Variants in FNBP1L observed in about 807,000 individuals in gnomAD.
FNBP1L encodes formin binding protein 1 like, also known as formin-binding protein 1-like.
FNBP1L carries 36 observed loss-of-function variants against 91.2 expected under a neutral mutation model. The ratio of observed to expected loss-of-function variants is 0.39; its 90% CI spans 0.30 to 0.52. The LOEUF (loss-of-function observed/expected upper bound fraction) is 0.52, where lower values mean the gene tolerates loss of function less well. Among genes scored for constraint, FNBP1L ranks in the 20% least tolerant of loss-of-function variants. The probability of loss-of-function intolerance (pLI) is 0.66; values close to 1 mark genes in which losing one functional copy is unlikely to be tolerated. For synonymous variants in FNBP1L, 242 were observed against 237.0 expected (o/e 1.02, Z -0.19); for missense variants, 571 against 732.1 (o/e 0.78, Z 2.54).
intron 1 of FNBP1L, among the ~76,000 whole-genome samples, chr1:93,467,166 G>A (rs192442418): frequency 1.3e-5 from 2 of 152,280 alleles, no homozygotes; most frequent in African/African-American, 4.8e-5. Context: ...CAAAAGTAGG[G>A]TCTTAAAGAG....
At chr1:93,480,490 A>G (rs2101707164) in intron 1 of FNBP1L, among the ~76,000 whole-genome samples, 1 of 152,248 alleles carries the variant, frequency 6.6e-6, no homozygotes, top group Middle Eastern at 3.4e-3. Context: ...TTCTCTAGAC[A>G]TTGATGCATT....
At chr1:93,471,019 C>G (rs1430329112) in intron 1 of FNBP1L, among the ~76,000 whole-genome samples, 1 of 151,934 alleles carries the variant, frequency 6.6e-6, no homozygotes, top group African/African-American at 2.4e-5. Context: ...AGAATAATTG[C>G]AATATTATTC....
chr1:93,550,878 C>T (rs1180401470), intron 15 of FNBP1L, 69 bp from the exon 16 acceptor site: 25 of 1,345,320 alleles, frequency 1.9e-5, no homozygotes, highest in Non-Finnish European at 2.5e-5. Context: ...GTATTTTGTG[C>T]ATTGTATTAG....
chr1:93,482,624 G>A (rs1419969153), intron 1 of FNBP1L, among the ~76,000 whole-genome samples: 1 of 152,128 alleles, frequency 6.6e-6, no homozygotes, highest in Non-Finnish European at 1.5e-5. Context: ...CAGACACAGT[G>A]GCTCACACCT....
At chr1:93,497,898 G>A (rs1360001646) in intron 1 of FNBP1L, among the ~76,000 whole-genome samples, 2 of 152,020 alleles carry the variant, frequency 1.3e-5, no homozygotes, top group African/African-American at 4.8e-5. Context: ...GGGATTACAA[G>A]TGTGAGCCAC....
intron 2 of FNBP1L, among the ~76,000 whole-genome samples, chr1:93,514,141 A>C (rs1670976540): frequency 6.6e-6 from 1 of 152,182 alleles, no homozygotes; most frequent in Non-Finnish European, 1.5e-5. Flanking sequence ...CAGAGAGCCA[A>C]ATCATGAGTG....
intron 10 of FNBP1L, among the ~76,000 whole-genome samples, chr1:93,539,913 A>G (rs1230059136): frequency 6.6e-6 from 1 of 152,166 alleles, no homozygotes; most frequent in Non-Finnish European, 1.5e-5. Flanking sequence ...CATATTTTTA[A>G]TGTGAATTTT....
At chr1:93,496,967 G>A (rs900241632) in intron 1 of FNBP1L, among the ~76,000 whole-genome samples, 1 of 152,124 alleles carries the variant, frequency 6.6e-6, no homozygotes, top group Non-Finnish European at 1.5e-5. Flanking sequence ...AGTGGGGTTT[G>A]AACTTTTTTT....
chr1:93,540,531 C>T (rs1285445138), intron 10 of FNBP1L, among the ~76,000 whole-genome samples: 1 of 152,098 alleles, frequency 6.6e-6, no homozygotes, highest in African/African-American at 2.4e-5. Context: ...ATGTTACCCT[C>T]ATCTAACCAT....
At chr1:93,525,157 C>T (rs188298859) in intron 5 of FNBP1L, among the ~76,000 whole-genome samples, 20 of 151,524 alleles carry the variant, frequency 1.3e-4, no homozygotes, top group Non-Finnish European at 2.4e-4. Flanking sequence ...TTACTCTTTA[C>T]TAGCATATTT....
chr1:93,500,679 T>A (rs1050916462), intron 2 of FNBP1L, among the ~76,000 whole-genome samples: 1 of 150,616 alleles, frequency 6.6e-6, no homozygotes, highest in Non-Finnish European at 1.5e-5. Context: ...AAAATTAATT[T>A]AAACTAGTGG....
chr1:93,516,031 TAAATC>T (rs1314752971), intron 2 of FNBP1L, among the ~76,000 whole-genome samples: 1 of 152,196 alleles, frequency 6.6e-6, no homozygotes, highest in African/African-American at 2.4e-5. Context: ...CAGTTATTGT[TAAATC>T]AGAAACTCAG....
intron 1 of FNBP1L, among the ~76,000 whole-genome samples, chr1:93,474,199 C>T (rs1252228095): frequency 2.0e-5 from 3 of 152,092 alleles, no homozygotes; most frequent in South Asian, 2.1e-4. Context: ...GCTGAGATCA[C>T]GCCACTGCAC....
intron 5 of FNBP1L, among the ~76,000 whole-genome samples, chr1:93,528,214 G>A (rs1671551792): frequency 1.3e-5 from 2 of 152,118 alleles, no homozygotes; most frequent in South Asian, 4.1e-4. Flanking sequence ...ATTTCCAGAT[G>A]GAAAGGATAT....
intron 1 of FNBP1L, among the ~76,000 whole-genome samples, chr1:93,471,802 C>T (rs1019631632): frequency 2.0e-5 from 3 of 152,124 alleles, no homozygotes; most frequent in Admixed American, 6.5e-5. Flanking sequence ...GGCTGGTAGT[C>T]GATAAGTTAG....
At chr1:93,459,453 G>A (rs188565268) in intron 1 of FNBP1L, among the ~76,000 whole-genome samples, 1 of 152,230 alleles carries the variant, frequency 6.6e-6, no homozygotes, top group East Asian at 1.9e-4. Flanking sequence ...ACATGTAATT[G>A]GCCAACATGT....
At chr1:93,465,406 A>T (rs1264063731) in intron 1 of FNBP1L, among the ~76,000 whole-genome samples, 1 of 147,918 alleles carries the variant, frequency 6.8e-6, no homozygotes, top group Non-Finnish European at 1.5e-5. Flanking sequence ...CCTTGTGTCC[A>T]AGTGATCTCA....
intron 8 of FNBP1L, among the ~76,000 whole-genome samples, chr1:93,534,100 A>G (rs1223980574): frequency 6.6e-6 from 1 of 152,180 alleles, no homozygotes; most frequent in Non-Finnish European, 1.5e-5. Context: ...AAAATTTTAA[A>G]TACATGGTAT....
rs1302403510 is a variant in FNBP1L at position 93,549,337 on chromosome 1, A to G, written c.1562A>G (p.His521Arg). 4 of 1,613,052 alleles carry G rather than the reference A, an allele frequency of 2.5e-6. No individual in the cohort carries two copies. Among genetic ancestry groups the G allele is most frequent in the Admixed American group, 1.7e-5 (1 of 59,856 alleles). ...NQEVRGPPQQ[H>R]GHHNEFDDEF... ...GAAGTCCGTGGGCCACCCCAGCAGC[A>G]TGGTCACCACAATGAGTTTGATGAT... The change falls in exon 15 of 17, where the codon CAT becomes CGT. Residue 521 changes from histidine (H) to arginine (R), a missense_variant. Physicochemically the swap from His to Arg is conservative, Grantham distance 29. Transcript: ENST00000271234.
Sources: allele counts gnomAD v4.1 joint callset (sites outside exome capture counted in the v4.1 genomes callset), GRCh38; gene constraint gnomAD v4.1.1; transcripts MANE v1.5; gene names NCBI Gene and HGNC (gene_info 2026-07-23, HGNC 2026-07-21).